Variants in KLHL5 observed in about 807,000 individuals in gnomAD.
KLHL5 encodes the protein kelch-like protein 5.
Under a neutral mutation model 77.7 loss-of-function variants are expected in KLHL5, and 48 were observed. That is an observed-to-expected ratio of 0.62 (90% CI 0.49 to 0.79). The LOEUF (loss-of-function observed/expected upper bound fraction) is 0.79, where lower values mean the gene tolerates loss of function less well. KLHL5 is among the 30% of genes least tolerant of loss of function. The pLI is 0.00. For synonymous variants in KLHL5, 260 were observed against 297.0 expected (o/e 0.88, Z 1.28); for missense variants, 723 against 859.7 (o/e 0.84, Z 1.99).
At chr4:39,088,532 C>G (rs957371906) in intron 5 of KLHL5, among the ~76,000 whole-genome samples, 1 of 152,112 alleles carries the variant, frequency 6.6e-6, no homozygotes, top group African/African-American at 2.4e-5. Context: ...TCCACTAAAC[C>G]ATTCTGCCTC....
chr4:39,141,883 C>T, the KLHL5 span, among the ~76,000 whole-genome samples: 2 of 152,200 alleles, frequency 1.3e-5, no homozygotes, highest in Non-Finnish European at 2.9e-5. Context: ...CATGAGAGAA[C>T]ATGAGCAAAT....
intron 1 of KLHL5, among the ~76,000 whole-genome samples, chr4:39,068,414 A>G (rs1051513583): frequency 2.0e-5 from 3 of 149,674 alleles, no homozygotes; most frequent in African/African-American, 4.9e-5. Flanking sequence ...GACATAAGCT[A>G]TGTAACCTCT....
At chr4:39,052,763 G>A (rs936806806) in intron 1 of KLHL5, among the ~76,000 whole-genome samples, 71 of 152,146 alleles carry the variant, frequency 4.7e-4, no homozygotes, top group Admixed American at 4.1e-3. Flanking sequence ...TCCGTGCTCC[G>A]CAGGAGTTTA....
rs79552622 is a variant in KLHL5 at position 39,045,824 on chromosome 4, C to G, written c.-95+728C>G. 1.5e-3 allele frequency among the ~76,000 whole-genome samples: 223 copies of G among 152,068 alleles called. 1 individual carries two copies. Among genetic ancestry groups the G allele is most frequent in the African/African-American group, 5.0e-3 (209 of 41,494 alleles). On this transcript the variant is annotated intron_variant, in intron 1 of 11. Coordinates refer to the KLHL5 transcript ENST00000261425. The stretch of plus-strand genomic sequence containing the variant: ...AAGGGGCAGACAGGCTCACCCCACC[C>G]ACCCCTGCACCCTCCCAATATTCTG...
intron 8 of KLHL5, among the ~76,000 whole-genome samples, chr4:39,108,685 G>T (rs1722221958): frequency 6.6e-6 from 1 of 151,942 alleles, no homozygotes; most frequent in African/African-American, 2.4e-5. Flanking sequence ...TCACTTCAAA[G>T]TTCATCACTA....
chr4:39,054,546 G>C (rs1443278535), intron 1 of KLHL5, among the ~76,000 whole-genome samples: 1 of 152,182 alleles, frequency 6.6e-6, no homozygotes, highest in Non-Finnish European at 1.5e-5. Flanking sequence ...TCAATACTTA[G>C]ATGTGCCACT....
chr4:39,068,284 T>G (rs376623660), intron 1 of KLHL5, among the ~76,000 whole-genome samples: 74 of 151,540 alleles, frequency 4.9e-4, no homozygotes, highest in African/African-American at 1.6e-3. Context: ...AAAAAAAAAA[T>G]GTGTTTCCAG....
At chr4:39,141,410 G>A in the KLHL5 span, among the ~76,000 whole-genome samples, 109 of 144,866 alleles carry the variant, frequency 7.5e-4, no homozygotes, top group Non-Finnish European at 1.0e-3. Flanking sequence ...CCGGGTTCAC[G>A]CCATTCTCCT....
chr4:39,047,002 A>G (rs1716239752), intron 1 of KLHL5, among the ~76,000 whole-genome samples: 4 of 152,198 alleles, frequency 2.6e-5, no homozygotes. Flanking sequence ...TTTACTACAG[A>G]ATTTCTTGGA....
intron 5 of KLHL5, among the ~76,000 whole-genome samples, chr4:39,090,449 G>GTTTTTTTTTT (rs746309553): frequency 7.4e-6 from 1 of 135,004 alleles, no homozygotes; most frequent in Non-Finnish European, 1.6e-5. Context: ...TTTTTGTATG[G>GTTTTTTTTTT]TTTTTTTTTT....
chr4:39,100,653 TACTCC>T (rs1294199881), intron 6 of KLHL5, among the ~76,000 whole-genome samples: 7 of 152,212 alleles, frequency 4.6e-5, no homozygotes, highest in Admixed American at 3.9e-4. Context: ...GATGATACTC[TACTCC>T]ATTAACTCTT....
chr4:39,058,582 A>C (rs1370262549), upstream of KLHL5, among the ~76,000 whole-genome samples: 2 of 152,070 alleles, frequency 1.3e-5, no homozygotes, highest in Non-Finnish European at 2.9e-5. Flanking sequence ...GAGCTACTGC[A>C]CTCTAGCCTG....
intron 1 of KLHL5, among the ~76,000 whole-genome samples, chr4:39,069,723 C>A (rs944925334): frequency 6.6e-6 from 1 of 151,854 alleles, no homozygotes; most frequent in African/African-American, 2.4e-5. Context: ...AAATAAAAAT[C>A]TCAATCTTAT....
chr4:39,057,673 T>C (rs1407821607), upstream of KLHL5, among the ~76,000 whole-genome samples: 1 of 152,176 alleles, frequency 6.6e-6, no homozygotes, highest in Non-Finnish European at 1.5e-5. Flanking sequence ...ACTCTTTTTA[T>C]AACTGAGGAA....
chr4:39,100,197 C>T (rs1237734741), intron 6 of KLHL5, among the ~76,000 whole-genome samples: 1 of 152,134 alleles, frequency 6.6e-6, no homozygotes, highest in Non-Finnish European at 1.5e-5. Context: ...AGATGAGTTC[C>T]TGCTTCCCAT....
At chr4:39,067,666 C>T (rs1165733631) in intron 1 of KLHL5, among the ~76,000 whole-genome samples, 1 of 108,588 alleles carries the variant, frequency 9.2e-6, no homozygotes, top group African/African-American at 3.6e-5. Flanking sequence ...CTTGACTCAC[C>T]CATAACTCTT....
At chr4:39,046,064 T>C (rs1280580206) in intron 1 of KLHL5, among the ~76,000 whole-genome samples, 3 of 151,888 alleles carry the variant, frequency 2.0e-5, no homozygotes, top group Non-Finnish European at 4.4e-5. Flanking sequence ...GTTTTCAGCA[T>C]TTACAGATTT....
intron 5 of KLHL5, among the ~76,000 whole-genome samples, chr4:39,092,711 T>C (rs1720698273): frequency 6.6e-6 from 1 of 152,206 alleles, no homozygotes; most frequent in African/African-American, 2.4e-5. Flanking sequence ...TACCACCAAC[T>C]TTTTTATAGT....
chr4:39,101,057 G>T (rs1355995410), intron 6 of KLHL5, among the ~76,000 whole-genome samples: 1 of 146,814 alleles, frequency 6.8e-6, no homozygotes, highest in Non-Finnish European at 1.5e-5. Context: ...GTATAAATTA[G>T]GGAAGTCCCA....
Sources: allele counts gnomAD v4.1 joint callset (sites outside exome capture counted in the v4.1 genomes callset), GRCh38; gene constraint gnomAD v4.1.1; transcripts MANE v1.5; gene names NCBI Gene and HGNC (gene_info 2026-07-23, HGNC 2026-07-21).